Variants in KCNQ1 observed in about 807,000 individuals in gnomAD.
KCNQ1 encodes the protein potassium voltage-gated channel subfamily KQT member 1.
A neutral mutation model predicts 72.4 loss-of-function variants in KCNQ1; 49 were observed. The observed-to-expected ratio is 0.68, with a 90% CI of 0.54 to 0.86. KCNQ1 has a LOEUF of 0.86. KCNQ1 is among the 40% of genes least tolerant of loss of function. The probability of loss-of-function intolerance (pLI) is 0.00; values close to 1 mark genes in which losing one functional copy is unlikely to be tolerated. For missense variants in KCNQ1, 790 were observed against 945.1 expected (o/e 0.84, Z 2.15); for synonymous variants, 450 against 412.6 (o/e 1.09, Z -1.10).
In KCNQ1 at chr11:2,715,238, C is replaced by T. The variant is rs1311168699; in HGVS notation, c.1514+53157C>T. Among the ~76,000 whole-genome samples, 1 of 152,148 alleles carries T rather than the reference C, an allele frequency of 6.6e-6. No individual in the cohort carries two copies. The highest frequency in any genetic ancestry group is 1.5e-5 in the Non-Finnish European group (1 of 68,022). On this transcript the variant is annotated intron_variant, in intron 11 of 15. Coordinates refer to ENST00000155840, the MANE Select transcript of KCNQ1 (RefSeq NM_000218.3). The surrounding 1 kb of genome is among the most constrained non-coding windows in gnomAD (Gnocchi z 4.9). ...AGTAGAGACACAGCTAGAAAGTGGC[C>T]AGCTGGGGTTTGGTGCTGAGCCTCT...
intron 2 of KCNQ1, among the ~76,000 whole-genome samples, chr11:2,533,831 AAG>A (rs1003071560): frequency 2.0e-5 from 3 of 152,264 alleles, no homozygotes; most frequent in African/African-American, 2.4e-5. Flanking sequence ...ACTCCACACA[AAG>A]AGAGAGGCAC....
intron 15 of KCNQ1, among the ~76,000 whole-genome samples, chr11:2,788,307 TC>T (rs535239986): frequency 2.0e-3 from 304 of 152,296 alleles, no homozygotes; most frequent in African/African-American, 6.9e-3. Context: ...GGATTCTGGT[TC>T]TTTTCCGGTT....
intron 11 of KCNQ1, chr11:2,672,775 C>G: frequency 2.5e-6 from 1 of 398,780 alleles, no homozygotes. Context: ...GTCTCCTCCC[C>G]GCAACAGATC....
chr11:2,589,649 C>T (rs1848645696), intron 10 of KCNQ1, among the ~76,000 whole-genome samples: 1 of 152,206 alleles, frequency 6.6e-6, no homozygotes, highest in African/African-American at 2.4e-5. Flanking sequence ...GTGCTTCAGC[C>T]ACACGGCAGG....
chr11:2,470,295 C>T (rs1468928096), intron 1 of KCNQ1, among the ~76,000 whole-genome samples: 2 of 152,172 alleles, frequency 1.3e-5, no homozygotes, highest in East Asian at 3.9e-4. Context: ...CAAAGAGGTG[C>T]GTAGGAGGTT....
chr11:2,483,992 T>C lies in KCNQ1; in HGVS notation c.386+38508T>C, dbSNP rs1846693750. Among the ~76,000 whole-genome samples, 1 of 152,282 alleles carries C rather than the reference T, an allele frequency of 6.6e-6. No homozygotes were observed. Among genetic ancestry groups the C allele is most frequent in the South Asian group, 2.1e-4 (1 of 4,822 alleles). ...GTCTGTGGTGCTTGCCAAATGGGGA[T>C]TTGTTTATTTCCCACTTTCTTTCTA... On this transcript the variant is annotated intron_variant, in intron 1 of 15. Coordinates refer to ENST00000155840, the MANE Select transcript of KCNQ1 (RefSeq NM_000218.3). This position sits in a 1 kb window ranked among gnomAD's most constrained non-coding sequence, Gnocchi z 6.1.
At chr11:2,569,127 G>T (rs1435600761) in intron 2 of KCNQ1, among the ~76,000 whole-genome samples, 1 of 152,116 alleles carries the variant, frequency 6.6e-6, no homozygotes, top group East Asian at 1.9e-4. Context: ...CTCGTGATCT[G>T]CCTGCCTCGG....
intron 10 of KCNQ1, chr11:2,650,526 A>G: frequency 2.5e-6 from 1 of 398,660 alleles, no homozygotes; most frequent in Non-Finnish European, 4.4e-6. Context: ...AATCCACATC[A>G]GTGGTATCTG....
In KCNQ1 at chr11:2,778,624, G is replaced by A. The variant is rs576330879; in HGVS notation, c.1794+587G>A. On this transcript the variant is annotated intron_variant, in intron 15 of 15. Coordinates refer to ENST00000155840, the MANE Select transcript of KCNQ1 (RefSeq NM_000218.3). ...TCCCCCAGGCACCCTGGGAGCTGCC[G>A]GGGGATCTGGGCGGTGGGAGGGCCT... is the stretch of plus-strand genomic sequence containing the variant. 1.1e-4 allele frequency among the ~76,000 whole-genome samples: 14 copies of A among 129,020 alleles called. No homozygotes were observed. In the South Asian group the frequency reaches 1.6e-3, roughly 14 times the overall value. 84.6% of individuals were successfully genotyped at this position (129,020 alleles called of 152,430 possible).
In KCNQ1 at chr11:2,468,879, G is replaced by A. The variant is rs529363959; in HGVS notation, c.386+23395G>A. On this transcript the variant is annotated intron_variant, in intron 1 of 15. Coordinates refer to ENST00000155840, the MANE Select transcript of KCNQ1 (RefSeq NM_000218.3). The surrounding 1 kb of genome is among the most constrained non-coding windows in gnomAD (Gnocchi z 5.7). ...AGCTGGAGTCTCTGTGCGAGCAAAT[G>A]CTTTTGCTTCTCTTGTGCAAGCAAG... 2.6e-4 allele frequency among the ~76,000 whole-genome samples: 39 copies of A among 152,282 alleles called. No individual in the cohort carries two copies. Among genetic ancestry groups the A allele is most frequent in the Non-Finnish European group, 4.7e-4 (32 of 68,026 alleles).
At position 2,691,251 on chromosome 11, in the gene KCNQ1, C is replaced by T. The variant is rs551970978; in HGVS notation, c.1514+29170C>T. 68 of 398,574 alleles carry T rather than the reference C, an allele frequency of 1.7e-4. No individual in the cohort carries two copies. The highest frequency in any genetic ancestry group is 1.3e-3 in the East Asian group (37 of 28,060). 24.7% of individuals were successfully genotyped at this position (398,574 alleles called of 1,614,324 possible). A position where few individuals can be genotyped will look rare whatever the true frequency, so the allele number is the denominator to read the frequency against. ...GATCTGCAGTTAACCCCTTGAGTCT[C>T]GGAAGGCTGTTTGAGCCACTAATCA... On this transcript the variant is annotated intron_variant, in intron 11 of 15. Coordinates refer to ENST00000155840, the MANE Select transcript of KCNQ1 (RefSeq NM_000218.3). The surrounding 1 kb of genome is among the most constrained non-coding windows in gnomAD (Gnocchi z 6.4).
intron 8 of KCNQ1, among the ~76,000 whole-genome samples, chr11:2,586,377 C>G (rs991959320): frequency 6.6e-6 from 1 of 152,238 alleles, no homozygotes; most frequent in African/African-American, 2.4e-5. Context: ...TATGGCTTCA[C>G]AGTTTCTCCT....
intron 12 of KCNQ1, chr11:2,771,717 AAGAG>A (rs1846602644): frequency 6.6e-6 from 1 of 152,152 alleles, no homozygotes; most frequent in African/African-American, 2.4e-5. Flanking sequence ...CAAATACAAA[AAGAG>A]AGAGAGGGAG....
intron 11 of KCNQ1, among the ~76,000 whole-genome samples, chr11:2,722,365 G>C (rs926131479): frequency 1.4e-4 from 21 of 152,204 alleles, no homozygotes; most frequent in African/African-American, 5.1e-4. Flanking sequence ...GGCAAGGCCA[G>C]CCCATCCTGG....
chr11:2,696,695 A>G (rs1373946288), intron 11 of KCNQ1: 1 of 398,520 alleles, frequency 2.5e-6, no homozygotes, highest in Non-Finnish European at 4.4e-6. Context: ...AAGAAAATAA[A>G]ATGTCTCTGC....
intron 1 of KCNQ1, among the ~76,000 whole-genome samples, chr11:2,505,461 T>G (rs4930117): frequency 6.6e-6 from 1 of 151,856 alleles, no homozygotes; most frequent in Admixed American, 6.6e-5. Flanking sequence ...ATGGGTCGAG[T>G]GTTCTCTGCA....
At chr11:2,637,262 A>C (rs963547774) in intron 10 of KCNQ1, 4 of 151,912 alleles carry the variant, frequency 2.6e-5, no homozygotes, top group African/African-American at 4.8e-5. Context: ...TAGTTCTTTT[A>C]ATTGTGATGT....
At chr11:2,686,808 C>A (rs979791645) in intron 11 of KCNQ1, 1 of 398,702 alleles carries the variant, frequency 2.5e-6, no homozygotes, top group Non-Finnish European at 4.4e-6. Flanking sequence ...CCCTGCTCAC[C>A]CCTAAAGAGC....
In KCNQ1 at chr11:2,482,097, A is replaced by T. The variant is rs115959494; in HGVS notation, c.386+36613A>T. Among the ~76,000 whole-genome samples, 1 of 152,078 alleles carries T rather than the reference A, an allele frequency of 6.6e-6. No homozygotes were observed. Among genetic ancestry groups the T allele is most frequent in the Non-Finnish European group, 1.5e-5 (1 of 68,018 alleles). On this transcript the variant is annotated intron_variant, in intron 1 of 15. Transcript: ENST00000155840. This position sits in a 1 kb window ranked among gnomAD's most constrained non-coding sequence, Gnocchi z 5.7. ...GGAACGATGGGAGCCCTCACCTCGT[A>T]TGGTGGTTTGAGGATTGAATGAACT...
Sources: gnomAD v4.1 joint callset for allele counts (sites outside exome capture counted in the v4.1 genomes callset) on GRCh38, gnomAD v4.1.1 for gene constraint, Gnocchi (gnomAD v3.1) non-coding constraint, MANE v1.5 for transcripts, NCBI Gene and HGNC (gene_info 2026-07-23, HGNC 2026-07-21) for gene names.